The following MYO1E variants were observed in gnomAD, a reference collection of about 807,000 sequenced individuals.
MYO1E encodes unconventional myosin-Ie.
A neutral mutation model predicts 151.1 loss-of-function variants in MYO1E; 68 were observed. That is an observed-to-expected ratio of 0.45 (90% CI 0.37 to 0.55). The LOEUF is 0.55. Ranked by LOEUF, MYO1E falls within the 20% of genes least tolerant of loss-of-function variation. The pLI is 0.00. For missense variants in MYO1E, 1,363 were observed against 1,389.3 expected, an observed-to-expected ratio of 0.98 and a Z score of 0.30; for synonymous variants, 601 against 501.7, an observed-to-expected ratio of 1.20 and a Z score of -2.64.
chr15:59,153,676 A>G lies in MYO1E; in HGVS notation c.2994T>C (p.Pro998=), dbSNP rs2079494166. 4 of 1,614,164 alleles carry G rather than the reference A, an allele frequency of 2.5e-6. No individual in the cohort carries two copies. Among genetic ancestry groups the G allele is most frequent in the South Asian group, 1.1e-5 (1 of 91,080 alleles). Residue 998 remains proline (P), a synonymous_variant, in exon 26 of 28, where the codon CCT becomes CCC. Coordinates refer to ENST00000288235, the MANE Select transcript of MYO1E (RefSeq NM_004998.4). ...GGTCTGAACTGGTAGACTGCTGCCG[A>G]GGCAAGGGCGGGCGGGCCATGGAGG... is the stretch of plus-strand genomic sequence containing the variant. The part of the protein sequence containing the change: ...LYTSMARPPL[P]RQQSTSSDRV...
intron 1 of MYO1E, among the ~76,000 whole-genome samples, chr15:59,316,543 A>G: frequency 6.6e-6 from 1 of 152,262 alleles, no homozygotes. Context: ...AAAAGCCAGA[A>G]AGAATTCTGA....
At chr15:59,221,184 T>C (rs1472060095) in intron 9 of MYO1E, among the ~76,000 whole-genome samples, 7 of 151,716 alleles carry the variant, frequency 4.6e-5, no homozygotes, top group African/African-American at 1.7e-4. Flanking sequence ...CTAATGTTTG[T>C]ATTTTTAGTA....
At chr15:59,237,011 C>T (rs2080071072) in intron 4 of MYO1E, among the ~76,000 whole-genome samples, 1 of 152,032 alleles carries the variant, frequency 6.6e-6, no homozygotes, top group Middle Eastern at 3.2e-3. Context: ...TTACAACTGA[C>T]ATGAAGACTG....
intron 16 of MYO1E, among the ~76,000 whole-genome samples, chr15:59,196,034 A>G (rs960354744): frequency 1.3e-5 from 2 of 152,180 alleles, no homozygotes; most frequent in Admixed American, 1.3e-4. Flanking sequence ...TTTTCTGGCA[A>G]TCCAACTAAT....
At position 59,178,445 on chromosome 15, in the gene MYO1E, C is replaced by T. The variant is rs766461547; in HGVS notation, c.1997G>A (p.Ser666Asn). The T allele has an allele frequency of 3.1e-6, 5 of 1,614,116 alleles. No individual in the cohort carries two copies. Among genetic ancestry groups the T allele is most frequent in the Admixed American group, 1.7e-5 (1 of 60,010 alleles). ...ACTCCTCCCCAGCTGGAACTGGTCGCTGTCCATGTTGACCGACTGCAGCAG... is the reference window on the plus strand; with the variant it reads ...ACTCCTCCCCAGCTGGAACTGGTCGTTGTCCATGTTGACCGACTGCAGCAG... ...LHLLQSVNMD[S>N]DQFQLGRSKV... Residue 666 changes from serine (S) to asparagine (N), a missense_variant, in exon 19 of 28, where the codon AGC (serine) becomes AAC (asparagine). Coordinates refer to ENST00000288235, the MANE Select transcript of MYO1E (RefSeq NM_004998.4).
chr15:59,289,481 C>A (rs145159947), intron 1 of MYO1E, among the ~76,000 whole-genome samples: 61 of 152,288 alleles, frequency 4.0e-4, no homozygotes, highest in Admixed American at 8.5e-4. Flanking sequence ...TATTTTCTTT[C>A]CAGTGAGTTT....
chr15:59,316,488 G>A (rs1325731886), intron 1 of MYO1E, among the ~76,000 whole-genome samples: 1 of 152,100 alleles, frequency 6.6e-6, no homozygotes, highest in Non-Finnish European at 1.5e-5. Flanking sequence ...TATTATAGCA[G>A]TATTATAGAG....
At chr15:59,284,642 T>A (rs535134171) in intron 1 of MYO1E, among the ~76,000 whole-genome samples, 4 of 142,988 alleles carry the variant, frequency 2.8e-5, no homozygotes, top group East Asian at 2.1e-4. Flanking sequence ...AAAAAAAAAA[T>A]TTTTTTTTTT....
intron 2 of MYO1E, among the ~76,000 whole-genome samples, chr15:59,263,793 C>G (rs916482039): frequency 6.6e-6 from 1 of 151,990 alleles, no homozygotes; most frequent in African/African-American, 2.4e-5. Flanking sequence ...AGTGATTGAG[C>G]CATAACTGAA....
chr15:59,200,252 T>C (rs571513834), intron 16 of MYO1E, among the ~76,000 whole-genome samples: 7 of 152,180 alleles, frequency 4.6e-5, no homozygotes, highest in African/African-American at 7.2e-5. Flanking sequence ...TGGATCTGAA[T>C]GTGACAGTCT....
intron 4 of MYO1E, among the ~76,000 whole-genome samples, chr15:59,252,085 C>G (rs1203120602): frequency 6.6e-6 from 1 of 151,964 alleles, no homozygotes; most frequent in African/African-American, 2.4e-5. Context: ...AAATGGGATA[C>G]AAAAATTAAA....
intron 6 of MYO1E, among the ~76,000 whole-genome samples, chr15:59,228,112 C>A (rs76756233): frequency 0.077 from 11,667 of 152,258 alleles, 605 homozygotes; most frequent in Non-Finnish European, 0.11. Context: ...GAAAATTCCT[C>A]TTTAAATGAC....
chr15:59,181,490 G>A (rs2079658090), intron 18 of MYO1E, among the ~76,000 whole-genome samples: 3 of 152,174 alleles, frequency 2.0e-5, no homozygotes, highest in South Asian at 2.1e-4. Context: ...AAGTTGTAGT[G>A]GGGAGATGGT....
intron 1 of MYO1E, among the ~76,000 whole-genome samples, chr15:59,301,830 T>C (rs1269189600): frequency 6.6e-6 from 1 of 152,216 alleles, no homozygotes; most frequent in Non-Finnish European, 1.5e-5. Context: ...ACTTCCAAGA[T>C]AGAGAACGGG....
At chr15:59,371,068 T>C (rs1266463700) in intron 1 of MYO1E, among the ~76,000 whole-genome samples, 2 of 152,174 alleles carry the variant, frequency 1.3e-5, no homozygotes, top group Non-Finnish European at 2.9e-5. Flanking sequence ...ATAGACAAAG[T>C]GTTCTCTTAG....
At chr15:59,161,621 G>A (rs1005172833) in intron 23 of MYO1E, among the ~76,000 whole-genome samples, 5 of 152,190 alleles carry the variant, frequency 3.3e-5, no homozygotes, top group African/African-American at 1.2e-4. Context: ...CTGTGCTTGT[G>A]GAGGACTGAG....
At chr15:59,223,337 A>C in intron 8 of MYO1E, 146 bp from the exon 9 acceptor site, 1 of 1,044,738 alleles carries the variant, frequency 9.6e-7, no homozygotes, top group Non-Finnish European at 1.4e-6. Context: ...AAAAAGCCAA[A>C]ACATAAGATT....
At chr15:59,167,539 G>C (rs1208234988) in intron 22 of MYO1E, among the ~76,000 whole-genome samples, 3 of 152,158 alleles carry the variant, frequency 2.0e-5, no homozygotes, top group Non-Finnish European at 4.4e-5. Context: ...AAAAACCCAG[G>C]CATGGCCTTC....
chr15:59,261,356 A>T, intron 3 of MYO1E, 64 bp downstream of exon 3: 1 of 1,222,554 alleles, frequency 8.2e-7, no homozygotes. Context: ...TAACTTCAAG[A>T]AAAACCATGT....
Sources: gnomAD v4.1 joint callset for allele counts (sites outside exome capture counted in the v4.1 genomes callset) on GRCh38, gnomAD v4.1.1 for gene constraint, MANE v1.5 for transcripts, NCBI Gene and HGNC (gene_info 2026-07-23, HGNC 2026-07-21) for gene names.